The following ZFAT variants were observed in gnomAD, a reference collection of about 807,000 sequenced individuals.
The protein encoded by ZFAT is zinc finger and AT-hook domain containing.
ZFAT carries 64 observed loss-of-function variants against 117.7 expected under a neutral mutation model. The observed-to-expected ratio is 0.54, with a 90% CI of 0.44 to 0.67. The LOEUF is 0.67. Among genes scored for constraint, ZFAT ranks in the 30% least tolerant of loss-of-function variants. ZFAT has a pLI of 0.00. For synonymous variants in ZFAT, 679 were observed against 615.0 expected (o/e 1.10, Z -1.54); for missense variants, 1,433 against 1,584.5 (o/e 0.90, Z 1.62).
At chr8:134,734,414 A>C in the ZFAT span, among the ~76,000 whole-genome samples, 2 of 152,228 alleles carry the variant, frequency 1.3e-5, no homozygotes, top group East Asian at 1.9e-4. Context: ...TCCTGCATGC[A>C]TCATATAGGT....
At chr8:134,546,450 C>T (rs1190954699) in intron 11 of ZFAT, among the ~76,000 whole-genome samples, 1 of 152,102 alleles carries the variant, frequency 6.6e-6, no homozygotes, top group Non-Finnish European at 1.5e-5. Flanking sequence ...ACCAAGTCAC[C>T]CTGAGAAGTG....
rs541974996 is a variant in ZFAT, at chr8:134,581,942, T to C, written c.2887+1890A>G. On this transcript the variant is annotated intron_variant, in intron 10 of 15. Transcript: ENST00000377838. ...AAAGTGCTGAAAACAAAGACATGAC[T>C]TTACAAATACCTCACCCTCCCAAAA... Among the ~76,000 whole-genome samples the C allele has an allele frequency of 3.3e-5, 5 of 152,196 alleles. No individual in the cohort carries two copies. The South Asian group carries it at 8.3e-4, about 25-fold the overall frequency.
rs869237397 is a variant in ZFAT at position 134,511,698 on chromosome 8, GT to G, written c.3361+776del. The stretch of plus-strand genomic sequence containing the variant: ...GCTGTGGTATGAAACATTAACTTGT[GT>G]TCTGTTCATCTTTTAAAAAGAGCAT... On this transcript the variant is annotated intron_variant, in intron 14 of 15. Coordinates refer to ENST00000377838, the MANE Select transcript of ZFAT (RefSeq NM_020863.4). 1.7e-4 allele frequency among the ~76,000 whole-genome samples: 26 copies of G among 152,262 alleles called. No individual in the cohort carries two copies. In the East Asian group the frequency reaches 4.8e-3, roughly 28 times the overall value.
chr8:134,599,157 A>G (rs1176356908), intron 7 of ZFAT: 2 of 152,396 alleles, frequency 1.3e-5, no homozygotes, highest in South Asian at 2.1e-4. Flanking sequence ...ATGCCTTCAC[A>G]TGCTACTCAA....
intron 1 of ZFAT, among the ~76,000 whole-genome samples, chr8:134,684,607 A>G (rs2131308920): frequency 6.6e-6 from 1 of 152,324 alleles, no homozygotes; most frequent in East Asian, 1.9e-4. Context: ...TGGACAGGGT[A>G]GGGATATGTC....
At chr8:134,731,915 G>A in the ZFAT span, among the ~76,000 whole-genome samples, 1 of 152,160 alleles carries the variant, frequency 6.6e-6, no homozygotes, top group African/African-American at 2.4e-5. Flanking sequence ...AACTCTCAGA[G>A]AAGGCATTAT....
chr8:134,643,515 A>G (rs930233521), intron 2 of ZFAT, among the ~76,000 whole-genome samples: 2 of 152,158 alleles, frequency 1.3e-5, no homozygotes, highest in African/African-American at 4.8e-5. Flanking sequence ...ATGAACATGC[A>G]CTTGTCTCAG....
intron 3 of ZFAT, among the ~76,000 whole-genome samples, chr8:134,627,825 G>C (rs182002264): frequency 2.0e-4 from 31 of 152,324 alleles, no homozygotes; most frequent in African/African-American, 7.5e-4. Flanking sequence ...AAGTTACTTG[G>C]TCTGTTTGTG....
At chr8:134,736,069 C>T in the ZFAT span, among the ~76,000 whole-genome samples, 6 of 152,142 alleles carry the variant, frequency 3.9e-5, no homozygotes, top group African/African-American at 1.4e-4. Context: ...TAAAAGATGG[C>T]CGAGGAGTAG....
chr8:134,509,169 C>T (rs1819629848), intron 15 of ZFAT, among the ~76,000 whole-genome samples: 1 of 152,138 alleles, frequency 6.6e-6, no homozygotes, highest in Admixed American at 6.5e-5. Flanking sequence ...GAGCAGTATC[C>T]TGTGTTGATC....
chr8:134,712,727 C>CGGCCGGCGGCCGGA (rs773764453), intron 1 of ZFAT, 118 bp downstream of exon 1: 23 of 874,636 alleles, frequency 2.6e-5, no homozygotes, highest in Non-Finnish European at 3.6e-5. Context: ...CCGCGGCCGG[C>CGGCCGGCGGCCGGA]GGCCGGCGGC....
At chr8:134,747,126 T>G in the ZFAT span, among the ~76,000 whole-genome samples, 1 of 152,190 alleles carries the variant, frequency 6.6e-6, no homozygotes, top group African/African-American at 2.4e-5. Context: ...TCTTGCTCTG[T>G]TGCCCAGGTT....
In ZFAT at chr8:134,588,227, T is replaced by C; in HGVS notation, c.2713+19A>G. ...CACAAAATTAGAAAGGTGCCCAATT[T>C]GGAAAGATGAATACTCACCTTCATG... On this transcript the variant is annotated intron_variant, in intron 9 of 15. Coordinates refer to ENST00000377838, the MANE Select transcript of ZFAT (RefSeq NM_020863.4). 6.5e-7 allele frequency: 1 copy of C among 1,534,524 alleles called. No individual in the cohort carries two copies. The highest frequency in any genetic ancestry group is 8.8e-7 in the Non-Finnish European group (1 of 1,139,570).
intron 11 of ZFAT, chr8:134,565,063 C>T: frequency 1.4e-6 from 2 of 1,426,124 alleles, no homozygotes; most frequent in Non-Finnish European, 9.3e-7. Context: ...CACTCCAGTG[C>T]TTTTATGCAA....
the ZFAT span, among the ~76,000 whole-genome samples, chr8:134,749,269 A>T: frequency 6.6e-6 from 1 of 152,324 alleles, no homozygotes; most frequent in South Asian, 2.1e-4. Context: ...TTAGCCTTTC[A>T]CAGTAGATCT....
intron 10 of ZFAT, among the ~76,000 whole-genome samples, chr8:134,577,921 G>A (rs148689286): frequency 1.4e-4 from 21 of 152,242 alleles, no homozygotes; most frequent in East Asian, 1.4e-3. Context: ...AGCCACGGGC[G>A]TCTGGATTAC....
upstream of ZFAT, chr8:134,713,051 C>T (rs1256196082): frequency 3.2e-6 from 2 of 622,034 alleles, no homozygotes; most frequent in African/African-American, 1.9e-5. Flanking sequence ...GCCCTCCTCC[C>T]CACGGGGCGC....
At chr8:134,697,465 C>T (rs1833897082) in intron 1 of ZFAT, among the ~76,000 whole-genome samples, 2 of 148,396 alleles carry the variant, frequency 1.3e-5, no homozygotes, top group African/African-American at 4.9e-5. Context: ...CGGTGGCTCA[C>T]GCCTATAATC....
At chr8:134,687,605 A>T (rs1833385907) in intron 1 of ZFAT, among the ~76,000 whole-genome samples, 1 of 151,960 alleles carries the variant, frequency 6.6e-6, no homozygotes, top group Admixed American at 6.6e-5. Flanking sequence ...GGAAGCGCTG[A>T]GGGTACAGGA....
Sources: allele counts gnomAD v4.1 joint callset (sites outside exome capture counted in the v4.1 genomes callset), GRCh38; gene constraint gnomAD v4.1.1; transcripts MANE v1.5; gene names NCBI Gene and HGNC (gene_info 2026-07-23, HGNC 2026-07-21).